Variants in ANKS1B observed in about 807,000 individuals in gnomAD.
The protein encoded by ANKS1B is ankyrin repeat and sterile alpha motif domain containing 1B.
ANKS1B carries 36 observed loss-of-function variants against 148.3 expected under a neutral mutation model. The observed-to-expected ratio is 0.24, with a 90% CI of 0.19 to 0.32. ANKS1B has a LOEUF of 0.32. ANKS1B is among the 10% of genes least tolerant of loss of function. The pLI, the probability that ANKS1B is intolerant of heterozygous loss-of-function variation, is 1.00. For missense variants in ANKS1B, 1,157 were observed against 1,542.6 expected (o/e 0.75, Z 4.19); for synonymous variants, 542 against 560.8 (o/e 0.97, Z 0.47).
chr12:99,463,152 CA>C (rs1464946495), intron 10 of ANKS1B, among the ~76,000 whole-genome samples: 1 of 152,226 alleles, frequency 6.6e-6, no homozygotes, highest in African/African-American at 2.4e-5. Context: ...ACAGGCACTT[CA>C]CAAAAGAAAA....
At chr12:98,756,580 G>A (rs1341223064) in intron 25 of ANKS1B, among the ~76,000 whole-genome samples, 1 of 146,100 alleles carries the variant, frequency 6.8e-6, no homozygotes, top group Non-Finnish European at 1.5e-5. Context: ...AAAAAAATTA[G>A]CCAGGCTTTG....
intron 9 of ANKS1B, among the ~76,000 whole-genome samples, chr12:99,530,649 G>C (rs1169296976): frequency 6.6e-6 from 1 of 152,010 alleles, no homozygotes; most frequent in African/African-American, 2.4e-5. Flanking sequence ...TAATAAATAT[G>C]GACATGGATA....
chr12:98,772,671 G>T (rs2098602684), intron 25 of ANKS1B, among the ~76,000 whole-genome samples: 1 of 152,070 alleles, frequency 6.6e-6, no homozygotes, highest in African/African-American at 2.4e-5. Flanking sequence ...CCTCCCACTG[G>T]GTTCCTCCCA....
At chr12:99,706,913 C>A (rs1296858146) in intron 8 of ANKS1B, among the ~76,000 whole-genome samples, 4 of 151,988 alleles carry the variant, frequency 2.6e-5, no homozygotes, top group Admixed American at 6.6e-5. Context: ...AGCTTGGAAC[C>A]AGATCCTTCC....
At chr12:98,739,514 C>G (rs2097788103), downstream of ANKS1B, among the ~76,000 whole-genome samples, 1 of 152,196 alleles carries the variant, frequency 6.6e-6, no homozygotes, top group South Asian at 2.1e-4. Flanking sequence ...AGGAAGGTAG[C>G]AGAGCTACTG....
chr12:99,296,810 G>A (rs1435741288), intron 12 of ANKS1B, among the ~76,000 whole-genome samples: 1 of 152,108 alleles, frequency 6.6e-6, no homozygotes, highest in Non-Finnish European at 1.5e-5. Context: ...TTTGACAAAT[G>A]TGCATTTAAG....
At chr12:99,648,616 T>G in intron 9 of ANKS1B, 1 of 1,614,190 alleles carries the variant, frequency 6.2e-7, no homozygotes, top group South Asian at 1.1e-5. Context: ...GGGCCGCTCT[T>G]TTTATCTTCA....
At chr12:98,881,184 T>C (rs17028881) in intron 17 of ANKS1B, among the ~76,000 whole-genome samples, 1,748 of 152,288 alleles carry the variant, frequency 0.011, 32 homozygotes, top group African/African-American at 0.04. Context: ...CTGAACACTG[T>C]AGTATAAATA....
intron 1 of ANKS1B, among the ~76,000 whole-genome samples, chr12:99,953,483 A>G (rs2095263292): frequency 1.3e-5 from 2 of 152,216 alleles, no homozygotes; most frequent in East Asian, 1.9e-4. Flanking sequence ...TTTTTCCCCA[A>G]TAATCTGGTG....
At chr12:99,958,436 G>A (rs2095355862) in intron 1 of ANKS1B, among the ~76,000 whole-genome samples, 1 of 152,158 alleles carries the variant, frequency 6.6e-6, no homozygotes, top group African/African-American at 2.4e-5. Context: ...AGGCTGGAGT[G>A]CAGTGGCACG....
At chr12:98,810,870 G>A (rs1594408282) in intron 19 of ANKS1B, among the ~76,000 whole-genome samples, 1 of 152,198 alleles carries the variant, frequency 6.6e-6, no homozygotes, top group African/African-American at 2.4e-5. Flanking sequence ...TTGTGTGTCA[G>A]TCTTGGGGCT....
intron 1 of ANKS1B, among the ~76,000 whole-genome samples, chr12:99,832,831 T>A (rs952290120): frequency 9.2e-5 from 14 of 151,944 alleles, no homozygotes; most frequent in Non-Finnish European, 1.8e-4. Flanking sequence ...AAAGGAAAAG[T>A]TAATTAGGAT....
At chr12:99,599,593 G>C (rs913135021) in intron 9 of ANKS1B, among the ~76,000 whole-genome samples, 9 of 152,074 alleles carry the variant, frequency 5.9e-5, no homozygotes, top group Non-Finnish European at 1.2e-4. Context: ...GGAATAAAAA[G>C]AAGAGATGGA....
At chr12:98,961,668 A>G (rs1032176239) in intron 17 of ANKS1B, among the ~76,000 whole-genome samples, 1 of 152,184 alleles carries the variant, frequency 6.6e-6, no homozygotes, top group African/African-American at 2.4e-5. Flanking sequence ...ATCAAAAATA[A>G]TAACTACAGC....
At chr12:99,799,057 C>A (rs2153654206) in intron 4 of ANKS1B, among the ~76,000 whole-genome samples, 1 of 152,198 alleles carries the variant, frequency 6.6e-6, no homozygotes, top group South Asian at 2.1e-4. Context: ...TCTTACTTTT[C>A]TTTATTCCAC....
At chr12:99,648,514 A>T in intron 9 of ANKS1B, 1 of 1,614,100 alleles carries the variant, frequency 6.2e-7, no homozygotes, top group Non-Finnish European at 8.5e-7. Flanking sequence ...GCCTGCAGAG[A>T]TCTTAGAACT....
intron 15 of ANKS1B, among the ~76,000 whole-genome samples, chr12:99,145,688 G>T (rs1490015899): frequency 6.6e-6 from 1 of 152,026 alleles, no homozygotes; most frequent in Non-Finnish European, 1.5e-5. Context: ...TTGAGGGCAG[G>T]GCTAGTATCT....
intron 17 of ANKS1B, among the ~76,000 whole-genome samples, chr12:99,019,296 C>A (rs1435065884): frequency 6.6e-6 from 1 of 152,086 alleles, no homozygotes; most frequent in African/African-American, 2.4e-5. Context: ...GCATCTCATG[C>A]AGTTAATAAA....
At chr12:99,161,734 T>C (rs1380539278) in intron 14 of ANKS1B, among the ~76,000 whole-genome samples, 2 of 152,128 alleles carry the variant, frequency 1.3e-5, no homozygotes, top group Non-Finnish European at 2.9e-5. Context: ...CTTCTCAAAT[T>C]TAATTGGAGC....
Sources: gnomAD v4.1 joint callset for allele counts (sites outside exome capture counted in the v4.1 genomes callset) on GRCh38, gnomAD v4.1.1 for gene constraint, MANE v1.5 for transcripts, NCBI Gene and HGNC (gene_info 2026-07-23, HGNC 2026-07-21) for gene names.